The following AVL9 variants were observed in gnomAD, a reference collection of about 807,000 sequenced individuals.
The protein encoded by AVL9 is AVL9 cell migration associated.
Under a neutral mutation model 79.2 loss-of-function variants are expected in AVL9, and 49 were observed. That is an observed-to-expected ratio of 0.62 (90% CI 0.49 to 0.79). AVL9 has a LOEUF of 0.79. Ranked by LOEUF, AVL9 falls within the 30% of genes least tolerant of loss-of-function variation. The pLI is 0.00. For missense variants in AVL9, 682 were observed against 776.8 expected, an observed-to-expected ratio of 0.88 and a Z score of 1.45; for synonymous variants, 299 against 280.6, an observed-to-expected ratio of 1.07 and a Z score of -0.65.
intron 10 of AVL9, among the ~76,000 whole-genome samples, chr7:32,562,930 A>G (rs952733647): frequency 3.3e-5 from 5 of 152,178 alleles, no homozygotes; most frequent in African/African-American, 1.2e-4. Flanking sequence ...CCCTGTCTCT[A>G]TATAAAAATA....
At chr7:32,562,034 A>T (rs754558331) in intron 10 of AVL9, among the ~76,000 whole-genome samples, 3 of 152,172 alleles carry the variant, frequency 2.0e-5, no homozygotes, top group Non-Finnish European at 4.4e-5. Flanking sequence ...AACAATTACA[A>T]TAGTAACATC....
At chr7:32,576,782 G>GTC (rs1008351557) in intron 13 of AVL9, among the ~76,000 whole-genome samples, 2 of 151,758 alleles carry the variant, frequency 1.3e-5, no homozygotes, top group African/African-American at 4.8e-5. Context: ...GGGAGACTTT[G>GTC]TCTCAAAAGA....
chr7:32,495,923 C>G, intron 1 of AVL9, 121 bp downstream of exon 1: 1 of 578,244 alleles, frequency 1.7e-6, no homozygotes, highest in Non-Finnish European at 2.6e-6. Flanking sequence ...CGCCTGCGAC[C>G]CTTCGCCTCT....
At chr7:32,497,172 A>G (rs972586414) in intron 1 of AVL9, among the ~76,000 whole-genome samples, 2 of 152,084 alleles carry the variant, frequency 1.3e-5, no homozygotes, top group Non-Finnish European at 2.9e-5. Flanking sequence ...CCTGGACAAC[A>G]CGGTGAAACC....
In AVL9 at chr7:32,558,232, C is replaced by T. The variant is rs188233753; in HGVS notation, c.610-327C>T. Among the ~76,000 whole-genome samples, 555 of 149,516 alleles carry T rather than the reference C, an allele frequency of 3.7e-3. 3 individuals are homozygous for T. Among genetic ancestry groups the T allele is most frequent in the African/African-American group, 0.013 (530 of 40,594 alleles). On this transcript the variant is annotated intron_variant, in intron 8 of 15. Transcript: ENST00000318709. ...GGAGTGCAGTGGTGTGATCTTGGCT[C>T]ACTGCAACTCTGCCTCCTGGGTTCA...
chr7:32,526,840 A>G (rs548170730), intron 1 of AVL9, among the ~76,000 whole-genome samples: 26 of 152,278 alleles, frequency 1.7e-4, no homozygotes, highest in East Asian at 1.5e-3. Context: ...GAGAGTCCCA[A>G]TAGCAGTTTT....
In AVL9 at chr7:32,498,237, A is replaced by ATTTT. The variant is rs10547851; in HGVS notation, c.93+2456_93+2459dup. ...CTTTTTCCACCTTTGAAGTCCTCAG[A>ATTTT]TTTTTTTTTTTTTTTTTTTTTTTTG... On this transcript the variant is annotated intron_variant, in intron 1 of 15. Coordinates refer to ENST00000318709, the MANE Select transcript of AVL9 (RefSeq NM_015060.3). Among the ~76,000 whole-genome samples, 122 of 89,802 alleles carry ATTTT rather than the reference A, an allele frequency of 1.4e-3. 1 individual carries two copies. The highest frequency in any genetic ancestry group is 4.3e-3 in the East Asian group (12 of 2,818). The allele number at this position is 89,802 out of a possible 152,430, so 58.9% of individuals were successfully genotyped here. A position where few individuals can be genotyped will look rare whatever the true frequency, so the allele number is the denominator to read the frequency against.
intron 1 of AVL9, among the ~76,000 whole-genome samples, chr7:32,525,835 GT>G (rs1788377779): frequency 6.6e-6 from 1 of 152,108 alleles, no homozygotes; most frequent in East Asian, 1.9e-4. Flanking sequence ...GGCCTGATTT[GT>G]TTTTTACTGC....
At chr7:32,502,392 C>CAAAAAAAAAAAAAAAAAAA (rs70992721) in intron 1 of AVL9, among the ~76,000 whole-genome samples, 7 of 114,386 alleles carry the variant, frequency 6.1e-5, no homozygotes, top group African/African-American at 1.6e-4. Flanking sequence ...AACCCTTTCT[C>CAAAAAAAAAAAAAAAAAAA]AAAAAAAAAA....
At chr7:32,517,104 T>A (rs1158899612) in intron 1 of AVL9, among the ~76,000 whole-genome samples, 1 of 152,192 alleles carries the variant, frequency 6.6e-6, no homozygotes, top group Non-Finnish European at 1.5e-5. Flanking sequence ...TTTGTATTAA[T>A]ATCTCCTGGC....
At chr7:32,528,746 C>T (rs754370019) in intron 1 of AVL9, among the ~76,000 whole-genome samples, 3 of 152,220 alleles carry the variant, frequency 2.0e-5, no homozygotes, top group Non-Finnish European at 4.4e-5. Context: ...CGCAGTGGCT[C>T]ACGCCTGTAA....
intron 4 of AVL9, among the ~76,000 whole-genome samples, chr7:32,549,533 T>G (rs1272442722): frequency 6.6e-6 from 1 of 151,858 alleles, no homozygotes; most frequent in East Asian, 1.9e-4. Flanking sequence ...AGCCAAAATC[T>G]TATTTCATCC....
At chr7:32,533,451 G>A (rs17461475) in intron 1 of AVL9, 6,577 of 152,272 alleles carry the variant, frequency 0.043, 193 homozygotes, top group Non-Finnish European at 0.068. Context: ...AGTGTAAAGC[G>A]CAGCTGTTTC....
chr7:32,519,077 G>A (rs1403366078), intron 1 of AVL9, among the ~76,000 whole-genome samples: 5 of 152,192 alleles, frequency 3.3e-5, no homozygotes, highest in African/African-American at 1.2e-4. Flanking sequence ...TATGTGCCAT[G>A]TGGAAGTGGT....
intron 1 of AVL9, among the ~76,000 whole-genome samples, chr7:32,506,381 C>T (rs1398143276): frequency 6.6e-6 from 1 of 152,138 alleles, no homozygotes; most frequent in Non-Finnish European, 1.5e-5. Context: ...GATACTGCTG[C>T]AGTCAATCCG....
chr7:32,565,496 T>C lies in AVL9; in HGVS notation c.1216-4524T>C, dbSNP rs1234194723. On this transcript the variant is annotated intron_variant, in intron 10 of 15. Transcript: ENST00000318709. ...ATCGCTTGAACCCAGGAGGCAGAGG[T>C]TGCGATGAGTGGAGATCGTGCCATT... 2.7e-5 allele frequency among the ~76,000 whole-genome samples: 4 copies of C among 147,700 alleles called. No individual in the cohort carries two copies. In the East Asian group the frequency reaches 8.0e-4, roughly 30 times the overall value.
At chr7:32,579,359 TAACA>T (rs1791260284) in intron 13 of AVL9, among the ~76,000 whole-genome samples, 1 of 84,736 alleles carries the variant, frequency 1.2e-5, no homozygotes, top group Non-Finnish European at 2.1e-5. Flanking sequence ...ATATAATATA[TAACA>T]TATATAATAT....
At chr7:32,541,282 T>C (rs1054348023) in intron 1 of AVL9, among the ~76,000 whole-genome samples, 3 of 152,106 alleles carry the variant, frequency 2.0e-5, no homozygotes, top group Admixed American at 2.0e-4. Context: ...TCATGAGAAT[T>C]GGGGTACATA....
chr7:32,579,445 A>ATT (rs1491113677), intron 13 of AVL9, among the ~76,000 whole-genome samples: 1,066 of 6,552 alleles, frequency 0.16, 454 homozygotes, highest in East Asian at 0.28. Context: ...TATTATATAT[A>ATT]ATATATTATA....
Sources: allele counts gnomAD v4.1 joint callset (sites outside exome capture counted in the v4.1 genomes callset), GRCh38; gene constraint gnomAD v4.1.1; transcripts MANE v1.5; gene names NCBI Gene and HGNC (gene_info 2026-07-23, HGNC 2026-07-21).